Variants in CYP2J2 observed in about 807,000 individuals in gnomAD.
CYP2J2 encodes the protein cytochrome P450 2J2.
CYP2J2 carries 41 observed loss-of-function variants against 48.8 expected under a neutral mutation model. That is an observed-to-expected ratio of 0.84 (90% confidence interval 0.66 to 1.09). The LOEUF is 1.09. Ranked by LOEUF, CYP2J2 falls within the 50% of genes least tolerant of loss-of-function variation. CYP2J2 has a pLI of 0.00. For missense variants in CYP2J2, 644 were observed against 617.3 expected, an observed-to-expected ratio of 1.04 and a Z score of -0.46; for synonymous variants, 221 against 227.1, an observed-to-expected ratio of 0.97 and a Z score of 0.24.
At chr1:59,948,777 T>C in the CYP2J2 span, among the ~76,000 whole-genome samples, 3 of 152,232 alleles carry the variant, frequency 2.0e-5, no homozygotes, top group Non-Finnish European at 2.9e-5. Flanking sequence ...GTAGCAATAT[T>C]ATCATTATCA....
At chr1:59,942,786 C>T in the CYP2J2 span, among the ~76,000 whole-genome samples, 18 of 151,946 alleles carry the variant, frequency 1.2e-4, no homozygotes, top group East Asian at 3.9e-4. Context: ...AGAGTTAAAA[C>T]GAGCTTGTTG....
At chr1:59,945,148 T>TA in the CYP2J2 span, among the ~76,000 whole-genome samples, 2 of 152,096 alleles carry the variant, frequency 1.3e-5, no homozygotes, top group African/African-American at 4.8e-5. Context: ...AGAAAATGGT[T>TA]AAAAAAATGG....
upstream of CYP2J2, among the ~76,000 whole-genome samples, chr1:59,928,961 G>A (rs905446322): frequency 3.3e-5 from 5 of 152,246 alleles, no homozygotes; most frequent in African/African-American, 1.2e-4. Flanking sequence ...TTCCTGAGAA[G>A]AAGCCCAAAT....
At chr1:59,953,577 T>A in the CYP2J2 span, among the ~76,000 whole-genome samples, 1 of 151,894 alleles carries the variant, frequency 6.6e-6, no homozygotes, top group East Asian at 1.9e-4. Context: ...TGCTTTTAAG[T>A]TAGACATGGC....
the CYP2J2 span, among the ~76,000 whole-genome samples, chr1:59,935,029 T>TATATATATATATAC: frequency 9.9e-6 from 1 of 100,918 alleles, no homozygotes; most frequent in Non-Finnish European, 2.1e-5. Flanking sequence ...TATATATATA[T>TATATATATATATAC]ATATATATAT....
the CYP2J2 span, among the ~76,000 whole-genome samples, chr1:59,955,255 T>TATATATATATCC: frequency 3.8e-5 from 1 of 26,238 alleles, no homozygotes; most frequent in African/African-American, 1.1e-4. Context: ...TATATATCCA[T>TATATATATATCC]ATATATATCC....
chr1:59,953,873 G>A, the CYP2J2 span, among the ~76,000 whole-genome samples: 1 of 152,148 alleles, frequency 6.6e-6, no homozygotes, highest in Non-Finnish European at 1.5e-5. Flanking sequence ...GCCATAGTAA[G>A]GAGTGTGATT....
At chr1:59,954,899 G>C in the CYP2J2 span, among the ~76,000 whole-genome samples, 2 of 152,020 alleles carry the variant, frequency 1.3e-5, no homozygotes, top group African/African-American at 4.8e-5. Flanking sequence ...CACTTTGGGA[G>C]GATGAGGTGG....
At chr1:59,953,925 C>A in the CYP2J2 span, among the ~76,000 whole-genome samples, 5 of 152,012 alleles carry the variant, frequency 3.3e-5, no homozygotes, top group African/African-American at 1.2e-4. Flanking sequence ...AACTTGGGAC[C>A]AGAAATATTG....
At chr1:59,959,694 C>T in the CYP2J2 span, among the ~76,000 whole-genome samples, 1 of 151,876 alleles carries the variant, frequency 6.6e-6, no homozygotes, top group Non-Finnish European at 1.5e-5. Flanking sequence ...TATGTATACA[C>T]ACCATGGACT....
chr1:59,935,044 A>G, the CYP2J2 span, among the ~76,000 whole-genome samples: 1 of 119,306 alleles, frequency 8.4e-6, no homozygotes, highest in East Asian at 2.3e-4. Flanking sequence ...ATATATATAT[A>G]TATATATACA....
In CYP2J2 at chr1:59,911,608, C is replaced by T; in HGVS notation, c.684G>A (p.Gln228=). 6.3e-6 allele frequency: 10 copies of T among 1,599,980 alleles called. No homozygotes were observed. Among genetic ancestry groups the T allele is most frequent in the Non-Finnish European group, 8.5e-6 (10 of 1,172,262 alleles). Reference sequence around the variant, plus strand: ...AGATATGGAGAGACAGCTGCCTTACCTGGCATGTCTTTGAAGCCTCCAAGT... The same window carrying T: ...AGATATGGAGAGACAGCTGCCTTACTTGGCATGTCTTTGAAGCCTCCAAGT... ...VTYLEASKTC[Q]LYNVFPWIMK... is the part of the protein sequence containing the mutation. The change falls in exon 4 of 9, where the codon CAG becomes CAA. Residue 228 remains glutamine, a splice_region_variant and synonymous_variant. Transcript: ENST00000371204.
chr1:59,938,640 C>G, the CYP2J2 span, among the ~76,000 whole-genome samples: 1 of 152,200 alleles, frequency 6.6e-6, no homozygotes, highest in Non-Finnish European at 1.5e-5. Context: ...CGAGACATTC[C>G]GTTCCCAGGG....
the CYP2J2 span, among the ~76,000 whole-genome samples, chr1:59,949,904 GGAA>G: frequency 8.7e-3 from 1,327 of 152,100 alleles, 17 homozygotes; most frequent in African/African-American, 0.03. Context: ...CTACTTTCAA[GGAA>G]GAAGGAGGGG....
At chr1:59,958,696 C>T in the CYP2J2 span, among the ~76,000 whole-genome samples, 1 of 152,164 alleles carries the variant, frequency 6.6e-6, no homozygotes, top group Admixed American at 6.6e-5. Context: ...TTAACCACCA[C>T]ATTACAGATA....
At chr1:59,952,030 T>TCACTAAATA in the CYP2J2 span, among the ~76,000 whole-genome samples, 481 of 152,252 alleles carry the variant, frequency 3.2e-3, 6 homozygotes, top group African/African-American at 0.011. Context: ...AATACAAAGT[T>TCACTAAATA]CACTAAATAC....
the CYP2J2 span, among the ~76,000 whole-genome samples, chr1:59,935,461 G>T: frequency 6.6e-6 from 1 of 152,100 alleles, no homozygotes; most frequent in Non-Finnish European, 1.5e-5. Flanking sequence ...TAAGCAGCTT[G>T]ATATCAGTAA....
the CYP2J2 span, among the ~76,000 whole-genome samples, chr1:59,942,784 A>G: frequency 1.3e-5 from 2 of 152,120 alleles, no homozygotes; most frequent in East Asian, 3.9e-4. Flanking sequence ...GTAGAGTTAA[A>G]ACGAGCTTGT....
intron 7 of CYP2J2, among the ~76,000 whole-genome samples, chr1:59,903,750 A>T (rs2102112297): frequency 6.6e-6 from 1 of 152,322 alleles, no homozygotes; most frequent in East Asian, 1.9e-4. Context: ...TAATAGGGAG[A>T]TGCCTTTAAA....
Sources: allele counts gnomAD v4.1 joint callset (sites outside exome capture counted in the v4.1 genomes callset), GRCh38; gene constraint gnomAD v4.1.1; transcripts MANE v1.5; gene names NCBI Gene and HGNC (gene_info 2026-07-23, HGNC 2026-07-21).